MND1: variants seen among roughly 807,000 people sequenced by gnomAD.
The protein encoded by MND1 is meiotic nuclear divisions 1.
Under a neutral mutation model 35.1 loss-of-function variants are expected in MND1, and 28 were observed. The ratio of observed to expected loss-of-function variants is 0.80; its 90% CI spans 0.59 to 1.09. The LOEUF is 1.09. MND1 is among the 50% of genes least tolerant of loss of function. The pLI is 0.00. For synonymous variants in MND1, 69 were observed against 70.5 expected, an observed-to-expected ratio of 0.98 and a Z score of 0.11; for missense variants, 213 against 239.6, an observed-to-expected ratio of 0.89 and a Z score of 0.73.
chr4:153,387,698 C>A (rs957687922), intron 4 of MND1, among the ~76,000 whole-genome samples: 3 of 152,194 alleles, frequency 2.0e-5, no homozygotes, highest in Middle Eastern at 3.4e-3. Flanking sequence ...CCTGGGAGAT[C>A]ATGATCACAC....
At chr4:153,346,210 T>A (rs1252188431) in intron 1 of MND1, among the ~76,000 whole-genome samples, 1 of 152,216 alleles carries the variant, frequency 6.6e-6, no homozygotes, top group Non-Finnish European at 1.5e-5. Context: ...TCAGGCAATT[T>A]TTGAAATTGG....
At chr4:153,363,254 C>T (rs1328530701) in intron 4 of MND1, among the ~76,000 whole-genome samples, 2 of 151,146 alleles carry the variant, frequency 1.3e-5, no homozygotes, top group Admixed American at 1.3e-4. Context: ...TCTTGTCACC[C>T]AGGCTGGAGT....
intron 4 of MND1, among the ~76,000 whole-genome samples, chr4:153,393,511 T>TG: frequency 6.6e-6 from 1 of 152,102 alleles, no homozygotes; most frequent in Non-Finnish European, 1.5e-5. Context: ...CCCGAGTAGC[T>TG]GGGACTACAG....
chr4:153,373,429 A>G (rs1728375321), intron 4 of MND1, among the ~76,000 whole-genome samples: 1 of 152,154 alleles, frequency 6.6e-6, no homozygotes, highest in Non-Finnish European at 1.5e-5. Context: ...TACGGTTTTT[A>G]TTTCTTTACT....
chr4:153,388,546 C>T (rs1316753695), intron 4 of MND1, among the ~76,000 whole-genome samples: 1 of 152,158 alleles, frequency 6.6e-6, no homozygotes, highest in African/African-American at 2.4e-5. Context: ...TTTATTGTTG[C>T]AGCTGCAGTT....
At chr4:153,392,767 C>T (rs1729082074) in intron 4 of MND1, among the ~76,000 whole-genome samples, 1 of 152,152 alleles carries the variant, frequency 6.6e-6, no homozygotes, top group Non-Finnish European at 1.5e-5. Context: ...AATCCATTTC[C>T]ACATATAACT....
intron 6 of MND1, among the ~76,000 whole-genome samples, chr4:153,405,524 A>C (rs1402166898): frequency 2.1e-5 from 3 of 143,706 alleles, no homozygotes; most frequent in African/African-American, 8.4e-5. Context: ...CGACAGAGCA[A>C]GACTCTGTCT....
intron 7 of MND1, among the ~76,000 whole-genome samples, chr4:153,409,926 G>T (rs183764225): frequency 6.6e-6 from 1 of 152,198 alleles, no homozygotes; most frequent in Non-Finnish European, 1.5e-5. Flanking sequence ...AATAAGATAC[G>T]AATCCAAGGT....
intron 1 of MND1, among the ~76,000 whole-genome samples, chr4:153,348,479 C>T (rs1283663649): frequency 6.6e-6 from 1 of 152,034 alleles, no homozygotes; most frequent in Non-Finnish European, 1.5e-5. Context: ...CAAATGAGAT[C>T]AAAGATAAGA....
chr4:153,345,432 A>AGG, intron 1 of MND1: 1 of 985,424 alleles, frequency 1.0e-6, no homozygotes, highest in Non-Finnish European at 1.2e-6. Context: ...CTGGTTGTGT[A>AGG]GGGCGCTGTT....
intron 2 of MND1, among the ~76,000 whole-genome samples, chr4:153,352,688 A>T (rs558953112): frequency 1.3e-5 from 2 of 148,718 alleles, no homozygotes; most frequent in Non-Finnish European, 1.5e-5. Flanking sequence ...GTAGTGAGCC[A>T]TGATCACACT....
At chr4:153,364,027 A>G (rs1462428428) in intron 4 of MND1, among the ~76,000 whole-genome samples, 1 of 152,186 alleles carries the variant, frequency 6.6e-6, no homozygotes, top group African/African-American at 2.4e-5. Flanking sequence ...TGAGCCCAGG[A>G]GTTCACGGCC....
At chr4:153,398,103 AT>A (rs575758513) in intron 6 of MND1, among the ~76,000 whole-genome samples, 25 of 151,038 alleles carry the variant, frequency 1.7e-4, no homozygotes, top group South Asian at 1.1e-3. Flanking sequence ...TATACCAGTC[AT>A]TTTTTTTTCC....
At chr4:153,372,779 T>C (rs191297979) in intron 4 of MND1, among the ~76,000 whole-genome samples, 102 of 152,344 alleles carry the variant, frequency 6.7e-4, no homozygotes, top group Non-Finnish European at 1.3e-3. Context: ...GATTTACCCA[T>C]GTTGCTTTAT....
rs1390210088 is a variant in MND1 at position 153,394,263 on chromosome 4, T to G, written c.278T>G (p.Leu93Trp). 3 of 1,611,934 alleles carry G rather than the reference T, an allele frequency of 1.9e-6. No individual in the cohort carries two copies. ...KHKLEVLESQ[L>W]SEGSQKHASL... ...TTTTATTTGTTTTTGATTCTCTAGT[T>G]GTCTGAGGGAAGTCAAAAGCATGCA... Residue 93 changes from leucine (L) to tryptophan (W), a missense_variant and splice_region_variant, in exon 5 of 8, where the codon TTG becomes TGG. Transcript: ENST00000240488.
intron 4 of MND1, among the ~76,000 whole-genome samples, chr4:153,388,959 A>G (rs915330461): frequency 6.6e-6 from 1 of 152,222 alleles, no homozygotes; most frequent in East Asian, 1.9e-4. Context: ...TTTCTTTCCC[A>G]GTGTGGCTGA....
intron 4 of MND1, among the ~76,000 whole-genome samples, chr4:153,393,991 G>T (rs145349923): frequency 5.7e-5 from 8 of 140,320 alleles, no homozygotes; most frequent in Middle Eastern, 3.6e-3. Context: ...GTGCAGAGGC[G>T]CAATCTCAGC....
intron 4 of MND1, among the ~76,000 whole-genome samples, chr4:153,393,409 C>T (rs1389038003): frequency 1.4e-5 from 2 of 140,236 alleles, no homozygotes; most frequent in African/African-American, 5.4e-5. Flanking sequence ...CTCACTCTGT[C>T]ACCCAGGCTG....
intron 4 of MND1, among the ~76,000 whole-genome samples, chr4:153,368,744 T>C (rs1773719198): frequency 6.6e-6 from 1 of 152,222 alleles, no homozygotes; most frequent in African/African-American, 2.4e-5. Flanking sequence ...AATCCAGTTT[T>C]AGTTAAATAT....
Sources: gnomAD v4.1 joint callset for allele counts (sites outside exome capture counted in the v4.1 genomes callset) on GRCh38, gnomAD v4.1.1 for gene constraint, MANE v1.5 for transcripts, NCBI Gene and HGNC (gene_info 2026-07-23, HGNC 2026-07-21) for gene names.